The following OR7E24 variants were observed in gnomAD, a reference collection of about 807,000 sequenced individuals.
OR7E24 encodes olfactory receptor family 7 subfamily E member 24, also known as olfactory receptor 7E24.
For missense variants in OR7E24, 385 were observed against 410.3 expected (o/e 0.94, Z 0.53); for synonymous variants, 130 against 157.5 (o/e 0.83, Z 1.31).
At chr19:9,218,086 G>T in the OR7E24 span, among the ~76,000 whole-genome samples, 1 of 152,138 alleles carries the variant, frequency 6.6e-6, no homozygotes, top group South Asian at 2.1e-4. Flanking sequence ...CAGTGGTTGC[G>T]ATTGTTTTGT....
chr19:9,217,477 T>C, the OR7E24 span, among the ~76,000 whole-genome samples: 1 of 152,184 alleles, frequency 6.6e-6, no homozygotes, highest in African/African-American at 2.4e-5. Context: ...GGAAAGTGGA[T>C]AGAAGAGGCT....
At chr19:9,243,719 A>G (rs935833781), upstream of OR7E24, among the ~76,000 whole-genome samples, 1 of 152,166 alleles carries the variant, frequency 6.6e-6, no homozygotes, top group Non-Finnish European at 1.5e-5. Context: ...AGCTGGTGCA[A>G]TTGTTGCTCC....
At chr19:9,209,234 T>C in the OR7E24 span, 3 of 152,188 alleles carry the variant, frequency 2.0e-5, no homozygotes, top group African/African-American at 7.2e-5. Flanking sequence ...CACTCATATA[T>C]TGGGCTCTTA....
the OR7E24 span, among the ~76,000 whole-genome samples, chr19:9,229,327 C>G: frequency 6.6e-6 from 1 of 151,824 alleles, no homozygotes; most frequent in South Asian, 2.1e-4. Context: ...GTCAGGAGTT[C>G]GAGACCAGCC....
At chr19:9,244,625 T>C (rs574090441), upstream of OR7E24, among the ~76,000 whole-genome samples, 4 of 152,222 alleles carry the variant, frequency 2.6e-5, no homozygotes, top group Non-Finnish European at 5.9e-5. Context: ...AATACCTTCA[T>C]GACATTGGAT....
the OR7E24 span, chr19:9,235,171 T>A: frequency 7.5e-7 from 1 of 1,330,548 alleles, no homozygotes; most frequent in South Asian, 1.3e-5. Flanking sequence ...TACAGAATTA[T>A]CAGAATTCCT....
At chr19:9,218,925 C>T in the OR7E24 span, among the ~76,000 whole-genome samples, 65 of 151,634 alleles carry the variant, frequency 4.3e-4, no homozygotes, top group African/African-American at 1.4e-3. Context: ...TGAGCCACTA[C>T]GTTCAGCCAA....
At chr19:9,216,546 G>A in the OR7E24 span, among the ~76,000 whole-genome samples, 3 of 152,088 alleles carry the variant, frequency 2.0e-5, no homozygotes, top group Admixed American at 6.6e-5. Context: ...TGTCTACTAT[G>A]ATTTCTGTGT....
the OR7E24 span, chr19:9,213,783 CA>C: frequency 2.7e-6 from 2 of 737,078 alleles, no homozygotes; most frequent in Non-Finnish European, 2.2e-6. Context: ...TAACAACAAC[CA>C]AAAATCCCAC....
chr19:9,239,656 C>T, the OR7E24 span, among the ~76,000 whole-genome samples: 284 of 151,402 alleles, frequency 1.9e-3, no homozygotes, highest in African/African-American at 6.5e-3. Context: ...GTTGTTTTCT[C>T]ACAATTGAGT....
At chr19:9,250,789 A>G (rs116441502), upstream of OR7E24, 1,568 of 315,770 alleles carry the variant, frequency 5.0e-3, 18 homozygotes, top group African/African-American at 0.031. Flanking sequence ...AAATTAGGCT[A>G]TATTTTACCG....
At chr19:9,216,914 C>A in the OR7E24 span, among the ~76,000 whole-genome samples, 1 of 152,120 alleles carries the variant, frequency 6.6e-6, no homozygotes, top group African/African-American at 2.4e-5. Flanking sequence ...TTTAACATTA[C>A]AATAAATCTG....
At chr19:9,223,261 G>A in the OR7E24 span, among the ~76,000 whole-genome samples, 4 of 152,204 alleles carry the variant, frequency 2.6e-5, no homozygotes, top group East Asian at 1.9e-4. Flanking sequence ...CTGACCATTC[G>A]GACATTCCGA....
At chr19:9,230,302 C>T in the OR7E24 span, among the ~76,000 whole-genome samples, 1 of 152,256 alleles carries the variant, frequency 6.6e-6, no homozygotes, top group East Asian at 1.9e-4. Context: ...GCTTTGGCCT[C>T]CCAAAGTGCT....
At chr19:9,245,568 C>T (rs1280292274), upstream of OR7E24, among the ~76,000 whole-genome samples, 1 of 152,008 alleles carries the variant, frequency 6.6e-6, no homozygotes, top group Non-Finnish European at 1.5e-5. Context: ...TTAAAAGGAT[C>T]GAAAACAGGG....
the OR7E24 span, among the ~76,000 whole-genome samples, chr19:9,218,772 G>A: frequency 1.3e-5 from 2 of 152,164 alleles, no homozygotes; most frequent in African/African-American, 2.4e-5. Context: ...GGGATTGCAG[G>A]TGTAAGCTAA....
chr19:9,214,323 G>C, the OR7E24 span: 1 of 1,614,180 alleles, frequency 6.2e-7, no homozygotes, highest in Middle Eastern at 1.6e-4. Context: ...CGGAATCTCA[G>C]TGCCTGTGGA....
At chr19:9,226,212 A>T in the OR7E24 span, among the ~76,000 whole-genome samples, 1 of 152,196 alleles carries the variant, frequency 6.6e-6, no homozygotes, top group Non-Finnish European at 1.5e-5. Flanking sequence ...TGGTACCATA[A>T]AGAAATAGCA....
chr19:9,211,313 A>C, the OR7E24 span: 1 of 152,216 alleles, frequency 6.6e-6, no homozygotes, highest in Non-Finnish European at 1.5e-5. Context: ...CTGACATCTG[A>C]TTGCAGTCTT....
Sources: gnomAD v4.1 joint callset for allele counts (sites outside exome capture counted in the v4.1 genomes callset) on GRCh38, gnomAD v4.1.1 for gene constraint, MANE v1.5 for transcripts, NCBI Gene and HGNC (gene_info 2026-07-23, HGNC 2026-07-21) for gene names.